Variants in COL5A2 observed in about 807,000 individuals in gnomAD.
The protein encoded by COL5A2 is collagen type V alpha 2 chain, also known as collagen alpha-2(V) chain.
COL5A2 carries 23 observed loss-of-function variants against 208.2 expected under a neutral mutation model. That is an observed-to-expected ratio of 0.11 (90% CI 0.08 to 0.16). The LOEUF is 0.16. COL5A2 is among the 10% of genes least tolerant of loss of function. COL5A2 has a pLI of 1.00. For synonymous variants in COL5A2, 625 were observed against 628.5 expected (o/e 0.99, Z 0.08); for missense variants, 1,590 against 1,956.4 (o/e 0.81, Z 3.53).
chr2:189,404,916 C>T, the COL5A2 span, among the ~76,000 whole-genome samples: 1 of 152,272 alleles, frequency 6.6e-6, no homozygotes, highest in Non-Finnish European at 1.5e-5. Flanking sequence ...TGTTGAGGGA[C>T]ATTTGGAGAC....
chr2:189,035,184 A>C (rs1343860652), intron 52 of COL5A2, 29 bp from the exon 53 acceptor site: 1 of 1,613,476 alleles, frequency 6.2e-7, no homozygotes, highest in Non-Finnish European at 8.5e-7. Flanking sequence ...TTTGTCATAC[A>C]CAAGACTGAA....
chr2:189,046,632 G>A (rs1472730565), intron 45 of COL5A2, among the ~76,000 whole-genome samples: 2 of 152,102 alleles, frequency 1.3e-5, no homozygotes, highest in Non-Finnish European at 2.9e-5. Flanking sequence ...GGTGAGATAA[G>A]CGTTATATGA....
At chr2:189,319,788 T>A in the COL5A2 span, among the ~76,000 whole-genome samples, 1 of 152,166 alleles carries the variant, frequency 6.6e-6, no homozygotes, top group Non-Finnish European at 1.5e-5. Context: ...GACTTAAATG[T>A]CCCTGTCTGA....
chr2:189,324,248 A>C, the COL5A2 span, among the ~76,000 whole-genome samples: 10 of 152,200 alleles, frequency 6.6e-5, no homozygotes, highest in African/African-American at 2.2e-4. Flanking sequence ...TCAAGACATA[A>C]GCATGGGCAA....
chr2:189,264,691 G>A, the COL5A2 span, among the ~76,000 whole-genome samples: 1 of 151,852 alleles, frequency 6.6e-6, no homozygotes, highest in South Asian at 2.1e-4. Flanking sequence ...ATGAATCCTT[G>A]GACTCATAAA....
the COL5A2 span, among the ~76,000 whole-genome samples, chr2:189,430,558 G>A: frequency 5.4e-4 from 83 of 152,310 alleles, no homozygotes; most frequent in African/African-American, 1.7e-3. Flanking sequence ...GCCTGGCTCC[G>A]CAGGACCCAC....
the COL5A2 span, among the ~76,000 whole-genome samples, chr2:189,320,406 T>G: frequency 2.0e-5 from 3 of 152,110 alleles, no homozygotes; most frequent in African/African-American, 7.2e-5. Flanking sequence ...GCAAAGAAGT[T>G]AAAAACCTTG....
the COL5A2 span, among the ~76,000 whole-genome samples, chr2:189,338,705 TTATAAA>T: frequency 6.8e-6 from 1 of 147,946 alleles, no homozygotes; most frequent in African/African-American, 2.4e-5. Flanking sequence ...TTATTTTATA[TTATAAA>T]TATATTTTAT....
chr2:189,238,999 T>A, the COL5A2 span, among the ~76,000 whole-genome samples: 4 of 152,250 alleles, frequency 2.6e-5, no homozygotes, highest in South Asian at 8.3e-4. Flanking sequence ...GTATTCTTTT[T>A]ACACAGAAAA....
chr2:189,373,511 A>T, the COL5A2 span, among the ~76,000 whole-genome samples: 1 of 152,120 alleles, frequency 6.6e-6, no homozygotes, highest in South Asian at 2.1e-4. Context: ...TCTGGTTTCT[A>T]TTTTTCAAAA....
upstream of COL5A2, among the ~76,000 whole-genome samples, chr2:189,184,382 T>C (rs1326392162): frequency 2.0e-5 from 3 of 152,114 alleles, no homozygotes; most frequent in African/African-American, 7.2e-5. Context: ...GCCATAAAAA[T>C]TACTACTGAC....
At chr2:189,121,439 G>C (rs1175994553) in intron 1 of COL5A2, among the ~76,000 whole-genome samples, 2 of 151,950 alleles carry the variant, frequency 1.3e-5, no homozygotes, top group Non-Finnish European at 2.9e-5. Context: ...CTTTGACTGA[G>C]GGTAAAACAA....
chr2:189,131,221 G>C (rs1687708523), intron 1 of COL5A2, among the ~76,000 whole-genome samples: 1 of 152,092 alleles, frequency 6.6e-6, no homozygotes. Context: ...TTTAAGTCCT[G>C]TCATCATAAA....
chr2:189,257,333 A>G, the COL5A2 span, among the ~76,000 whole-genome samples: 1 of 152,194 alleles, frequency 6.6e-6, no homozygotes, highest in African/African-American at 2.4e-5. Context: ...ATGTATGACA[A>G]TTCTCTGCCT....
At chr2:189,400,021 C>T in the COL5A2 span, among the ~76,000 whole-genome samples, 1 of 152,154 alleles carries the variant, frequency 6.6e-6, no homozygotes, top group East Asian at 1.9e-4. Context: ...AAAAAGTCAA[C>T]TATCAGATTT....
the COL5A2 span, among the ~76,000 whole-genome samples, chr2:189,308,570 G>C: frequency 6.6e-6 from 1 of 152,054 alleles, no homozygotes; most frequent in Non-Finnish European, 1.5e-5. Context: ...TTAGAGTCTG[G>C]CACCTTTTTA....
chr2:189,197,243 G>A (rs1315721498), intron 1 of COL5A2, among the ~76,000 whole-genome samples: 1 of 152,070 alleles, frequency 6.6e-6, no homozygotes, highest in Non-Finnish European at 1.5e-5. Context: ...GAGAACACAT[G>A]GACACAGGGA....
chr2:189,043,063 C>T, intron 48 of COL5A2, 88 bp downstream of exon 48: 1 of 955,798 alleles, frequency 1.0e-6, no homozygotes, highest in African/African-American at 1.6e-5. Context: ...AACATATCCA[C>T]CTATTTTACA....
At chr2:189,191,512 G>A (rs938437887) in intron 1 of COL5A2, among the ~76,000 whole-genome samples, 8 of 151,976 alleles carry the variant, frequency 5.3e-5, no homozygotes, top group Non-Finnish European at 8.8e-5. Context: ...ATGGTGGGGG[G>A]CACCAGTAGT....
Sources: allele counts gnomAD v4.1 joint callset (sites outside exome capture counted in the v4.1 genomes callset), GRCh38; gene constraint gnomAD v4.1.1; transcripts MANE v1.5; gene names NCBI Gene and HGNC (gene_info 2026-07-23, HGNC 2026-07-21).